EYA2: variants seen among roughly 807,000 people sequenced by gnomAD.
EYA2 encodes the protein protein phosphatase EYA2.
A neutral mutation model predicts 69.2 loss-of-function variants in EYA2; 31 were observed. The observed-to-expected ratio is 0.45, with a 90% CI of 0.34 to 0.60. The LOEUF is 0.60. Among genes scored for constraint, EYA2 ranks in the 20% least tolerant of loss-of-function variants. The probability of loss-of-function intolerance (pLI) is 0.02; values close to 1 mark genes in which losing one functional copy is unlikely to be tolerated. For missense variants in EYA2, 622 were observed against 701.2 expected (o/e 0.89, Z 1.28); for synonymous variants, 257 against 279.4 (o/e 0.92, Z 0.80).
rs781548726 is a variant in EYA2, at chr20:47,005,035, CT to C, written c.250del (p.Tyr84IlefsTer24). The stretch of plus-strand genomic sequence containing the variant: ...GTGCGGGGATCCAGCAGGCTACCCC[CT>C]ATACAGCTTACCCACCTCCAGCACA... ...YSAGIQQATP[Y>X]TAYPPPAQAY... On this transcript the variant is annotated frameshift_variant, in exon 4 of 16. Transcript: ENST00000327619. LOFTEE classifies it high-confidence loss of function. 3 of 1,613,946 alleles carry C rather than the reference CT, an allele frequency of 1.9e-6. No homozygotes were observed. Among genetic ancestry groups the C allele is most frequent in the East Asian group, 2.2e-5 (1 of 44,884 alleles).
At chr20:46,897,201 G>A (rs548139407) in intron 1 of EYA2, among the ~76,000 whole-genome samples, 2 of 152,308 alleles carry the variant, frequency 1.3e-5, no homozygotes, top group South Asian at 4.1e-4. Context: ...GTAAGAGATT[G>A]CAAACCTTGT....
chr20:47,178,821 G>GTGGGTGGATGGATGGATGT (rs1555835393), intron 12 of EYA2, among the ~76,000 whole-genome samples: 10,482 of 108,988 alleles, frequency 0.096, 1,773 homozygotes, highest in African/African-American at 0.38. Flanking sequence ...GGATGGGTGG[G>GTGGGTGGATGGATGGATGT]TGGGTGGATG....
chr20:47,173,219 G>A (rs2034360989), intron 12 of EYA2, among the ~76,000 whole-genome samples: 1 of 152,130 alleles, frequency 6.6e-6, no homozygotes. Context: ...TGAAAATGCA[G>A]ATTCTCTGGC....
At chr20:47,103,288 A>C (rs2032477479) in intron 9 of EYA2, among the ~76,000 whole-genome samples, 1 of 149,316 alleles carries the variant, frequency 6.7e-6, no homozygotes, top group Non-Finnish European at 1.5e-5. Context: ...GGCCCCTGAC[A>C]ACCACTAATC....
rs560985259 is a variant in EYA2, at chr20:47,082,383, T to C, written c.662-6856T>C. On this transcript the variant is annotated intron_variant, in intron 7 of 15. Coordinates refer to ENST00000327619, the MANE Select transcript of EYA2 (RefSeq NM_005244.5). The stretch of plus-strand genomic sequence containing the variant: ...TGGAATCTATGAAAAAGCTACTAGA[T>C]CTAAAAAGTAACTTTAGCAGTGTTG... Among the ~76,000 whole-genome samples the C allele has an allele frequency of 8.5e-5, 13 of 152,106 alleles. No homozygotes were observed. The East Asian group carries it at 2.1e-3, about 25-fold the overall frequency.
At chr20:47,029,345 CTT>C (rs1984273399) in intron 5 of EYA2, among the ~76,000 whole-genome samples, 1 of 152,230 alleles carries the variant, frequency 6.6e-6, no homozygotes, top group African/African-American at 2.4e-5. Context: ...GCTGTGGCAA[CTT>C]TGCCTGGCCA....
chr20:47,057,518 C>CG (rs1027868736), intron 5 of EYA2, among the ~76,000 whole-genome samples: 28 of 150,992 alleles, frequency 1.9e-4, no homozygotes, highest in Middle Eastern at 6.9e-3. Flanking sequence ...TCACCCCCCC[C>CG]CCCCATCTCA....
chr20:47,073,739 G>A (rs1192858374), intron 6 of EYA2, among the ~76,000 whole-genome samples: 1 of 152,062 alleles, frequency 6.6e-6, no homozygotes, highest in Non-Finnish European at 1.5e-5. Flanking sequence ...CAGGCAGGAA[G>A]TGCCTGGGAA....
chr20:47,168,972 A>C (rs1203447709), intron 10 of EYA2, among the ~76,000 whole-genome samples, 167 bp from the exon 11 acceptor site: 1 of 152,190 alleles, frequency 6.6e-6, no homozygotes, highest in African/African-American at 2.4e-5. Flanking sequence ...ATTGAACCCA[A>C]GGACCTCTAA....
At chr20:46,993,962 A>G (rs1331724966) in intron 2 of EYA2, among the ~76,000 whole-genome samples, 2 of 152,200 alleles carry the variant, frequency 1.3e-5, no homozygotes, top group Non-Finnish European at 2.9e-5. Flanking sequence ...TAATACAAAC[A>G]TATGTACATA....
At chr20:47,135,712 C>A (rs1435089377) in intron 9 of EYA2, among the ~76,000 whole-genome samples, 2 of 150,142 alleles carry the variant, frequency 1.3e-5, no homozygotes, top group Admixed American at 6.7e-5. Flanking sequence ...AAACAGAAAG[C>A]TTGCAAAATC....
chr20:47,017,395 A>G (rs985512935), intron 5 of EYA2, among the ~76,000 whole-genome samples: 2 of 152,166 alleles, frequency 1.3e-5, no homozygotes, highest in African/African-American at 4.8e-5. Context: ...CCTCCTGAGT[A>G]TCTAGGACCA....
At chr20:47,045,945 A>G (rs954956893) in intron 5 of EYA2, among the ~76,000 whole-genome samples, 3 of 152,202 alleles carry the variant, frequency 2.0e-5, no homozygotes, top group African/African-American at 4.8e-5. Context: ...GTCCTCTTCT[A>G]TACGACAGCT....
chr20:46,947,548 G>T (rs1026423247), intron 1 of EYA2, among the ~76,000 whole-genome samples: 1 of 152,070 alleles, frequency 6.6e-6, no homozygotes, highest in African/African-American at 2.4e-5. Context: ...ATGATGCTGT[G>T]GTAACAAGTA....
chr20:47,154,140 T>C (rs994817461), intron 10 of EYA2, among the ~76,000 whole-genome samples: 8 of 152,032 alleles, frequency 5.3e-5, no homozygotes, highest in African/African-American at 1.7e-4. Flanking sequence ...AGTTGGTTTC[T>C]GGTGAGGGCC....
intron 5 of EYA2, among the ~76,000 whole-genome samples, chr20:47,020,207 A>C (rs556994922): frequency 2.0e-5 from 3 of 152,288 alleles, no homozygotes; most frequent in African/African-American, 7.2e-5. Flanking sequence ...CATTTTACAG[A>C]TGAGTAAACT....
chr20:47,039,139 A>T (rs879818243), intron 5 of EYA2, among the ~76,000 whole-genome samples: 1 of 152,058 alleles, frequency 6.6e-6, no homozygotes, highest in Admixed American at 6.6e-5. Context: ...ACACGCGCGC[A>T]CAATTCTATA....
At chr20:47,078,092 C>T (rs555723142) in intron 7 of EYA2, among the ~76,000 whole-genome samples, 27 of 152,162 alleles carry the variant, frequency 1.8e-4, no homozygotes, top group Non-Finnish European at 3.4e-4. Flanking sequence ...TATAAAGGCT[C>T]ATTGTGTCTT....
At chr20:47,070,327 T>G (rs185038389) in intron 5 of EYA2, among the ~76,000 whole-genome samples, 3 of 152,342 alleles carry the variant, frequency 2.0e-5, no homozygotes, top group Admixed American at 2.0e-4. Context: ...ATTGGAGAAA[T>G]GCTACTTAAA....
Sources: gnomAD v4.1 joint callset for allele counts (sites outside exome capture counted in the v4.1 genomes callset) on GRCh38, gnomAD v4.1.1 for gene constraint, MANE v1.5 for transcripts, NCBI Gene and HGNC (gene_info 2026-07-23, HGNC 2026-07-21) for gene names.